Variants in GPC6 observed in about 807,000 individuals in gnomAD.
GPC6 encodes glypican 6.
Under a neutral mutation model 55.2 loss-of-function variants are expected in GPC6, and 14 were observed. That is an observed-to-expected ratio of 0.25 (90% CI 0.17 to 0.40). The LOEUF is 0.40. Among genes scored for constraint, GPC6 ranks in the 10% least tolerant of loss-of-function variants. GPC6 has a pLI of 1.00. For synonymous variants in GPC6, 278 were observed against 259.6 expected (o/e 1.07, Z -0.68); for missense variants, 641 against 708.5 (o/e 0.90, Z 1.08).
In GPC6 at chr13:93,418,483, A is replaced by G. The variant is rs532731877; in HGVS notation, c.161-126780A>G. ...GTAGTATTACTTTATTAATAGCAGT[A>G]TGCTGTAGTGTTATTTTATTAATAG... On this transcript the variant is annotated intron_variant, in intron 1 of 8. Transcript: ENST00000377047. Among the ~76,000 whole-genome samples, 9 of 151,532 alleles carry G rather than the reference A, an allele frequency of 5.9e-5. No homozygotes were observed. In the South Asian group the frequency reaches 1.9e-3, roughly 32 times the overall value.
intron 4 of GPC6, among the ~76,000 whole-genome samples, chr13:94,234,159 C>T (rs558657647): frequency 6.6e-5 from 10 of 152,102 alleles, no homozygotes; most frequent in South Asian, 6.2e-4. Context: ...CTGGGGAAAC[C>T]GAGGCTCAGA....
At chr13:94,068,708 C>T (rs1009898374) in intron 4 of GPC6, among the ~76,000 whole-genome samples, 2 of 152,178 alleles carry the variant, frequency 1.3e-5, no homozygotes, top group African/African-American at 2.4e-5. Flanking sequence ...CTACAGGCCC[C>T]TTGAAGTCTG....
chr13:93,823,575 C>T (rs1767079796), intron 2 of GPC6, among the ~76,000 whole-genome samples: 2 of 152,136 alleles, frequency 1.3e-5, no homozygotes, highest in Admixed American at 1.3e-4. Flanking sequence ...TTGAAATTAG[C>T]ATCATTCACT....
intron 3 of GPC6, among the ~76,000 whole-genome samples, chr13:94,000,684 G>A (rs1881756690): frequency 6.6e-6 from 1 of 152,102 alleles, no homozygotes; most frequent in South Asian, 2.1e-4. Context: ...ACTTAAAAAG[G>A]TACATGAATT....
chr13:93,410,433 C>T (rs567793017), intron 1 of GPC6, among the ~76,000 whole-genome samples: 164 of 152,208 alleles, frequency 1.1e-3, no homozygotes, highest in South Asian at 1.9e-3. Context: ...GGCATGCTCA[C>T]GGGTACTAAT....
chr13:93,531,036 G>C (rs1881845886), intron 1 of GPC6, among the ~76,000 whole-genome samples: 1 of 152,058 alleles, frequency 6.6e-6, no homozygotes, highest in African/African-American at 2.4e-5. Flanking sequence ...GACGGATACT[G>C]AAAAGGGAAT....
At chr13:94,109,649 C>T (rs1238365048) in intron 4 of GPC6, among the ~76,000 whole-genome samples, 1 of 151,986 alleles carries the variant, frequency 6.6e-6, no homozygotes, top group East Asian at 1.9e-4. Context: ...GGAGTCTTTT[C>T]GAATGTAGTC....
At chr13:93,868,292 A>G (rs1889031069) in intron 3 of GPC6, among the ~76,000 whole-genome samples, 1 of 151,794 alleles carries the variant, frequency 6.6e-6, no homozygotes, top group Admixed American at 6.6e-5. Flanking sequence ...TTGAATATTT[A>G]GGATAAGACC....
At chr13:93,267,819 CA>C (rs1430465869) in intron 1 of GPC6, among the ~76,000 whole-genome samples, 1 of 151,964 alleles carries the variant, frequency 6.6e-6, no homozygotes, top group Non-Finnish European at 1.5e-5. Flanking sequence ...CTTGTAGAAA[CA>C]AGAGATTTTA....
intron 4 of GPC6, among the ~76,000 whole-genome samples, chr13:94,130,967 C>A (rs767133146): frequency 6.6e-6 from 1 of 152,028 alleles, no homozygotes; most frequent in African/African-American, 2.4e-5. Flanking sequence ...AATAACTAGA[C>A]AAGAAACTCC....
intron 6 of GPC6, among the ~76,000 whole-genome samples, chr13:94,321,506 T>G (rs1029461128): frequency 1.3e-5 from 2 of 152,212 alleles, no homozygotes; most frequent in Non-Finnish European, 2.9e-5. Flanking sequence ...CTTTTCATAA[T>G]GGCTAAACTA....
intron 2 of GPC6, among the ~76,000 whole-genome samples, chr13:93,789,612 T>C (rs1421595114): frequency 2.6e-3 from 49 of 19,084 alleles, no homozygotes; most frequent in Middle Eastern, 0.019. Context: ...TATATATATA[T>C]ATATATATAT....
intron 3 of GPC6, among the ~76,000 whole-genome samples, chr13:93,934,987 C>A (rs763017149): frequency 3.3e-5 from 5 of 152,152 alleles, no homozygotes; most frequent in Non-Finnish European, 7.3e-5. Flanking sequence ...GTATTTCATT[C>A]CTCTTTATGG....
At chr13:93,352,513 G>C (rs763209146) in intron 1 of GPC6, among the ~76,000 whole-genome samples, 8 of 152,154 alleles carry the variant, frequency 5.3e-5, no homozygotes, top group Non-Finnish European at 1.0e-4. Context: ...AATTGGGTTT[G>C]CTGAATTTGA....
chr13:94,372,563 AC>A (rs1175950533), intron 6 of GPC6, among the ~76,000 whole-genome samples: 2 of 152,064 alleles, frequency 1.3e-5, no homozygotes, highest in Non-Finnish European at 2.9e-5. Flanking sequence ...GGAGGGTCCT[AC>A]GCCCACGGAG....
intron 3 of GPC6, among the ~76,000 whole-genome samples, chr13:93,847,360 T>G (rs1888218099): frequency 6.6e-6 from 1 of 152,162 alleles, no homozygotes; most frequent in South Asian, 2.1e-4. Flanking sequence ...CTGAGATGTT[T>G]AGCTCTTTAA....
chr13:93,900,770 T>TA (rs1157585649), intron 3 of GPC6, among the ~76,000 whole-genome samples: 4 of 152,064 alleles, frequency 2.6e-5, no homozygotes, highest in Admixed American at 1.3e-4. Flanking sequence ...GTACAGAAAA[T>TA]AATCATGAGC....
At chr13:93,481,009 A>G (rs938826868) in intron 1 of GPC6, among the ~76,000 whole-genome samples, 2 of 152,196 alleles carry the variant, frequency 1.3e-5, no homozygotes, top group African/African-American at 4.8e-5. Context: ...TGTTTGAGAA[A>G]CATCCAGATT....
At chr13:93,827,893 A>G (rs201056612) in intron 2 of GPC6, among the ~76,000 whole-genome samples, 1 of 143,976 alleles carries the variant, frequency 6.9e-6, no homozygotes, top group East Asian at 2.1e-4. Flanking sequence ...AGAAGAAAAA[A>G]TAAAAAAAAA....
Sources: allele counts gnomAD v4.1 joint callset (sites outside exome capture counted in the v4.1 genomes callset), GRCh38; gene constraint gnomAD v4.1.1; transcripts MANE v1.5; gene names NCBI Gene and HGNC (gene_info 2026-07-23, HGNC 2026-07-21).